PKD1L1: variants seen among roughly 807,000 people sequenced by gnomAD.
PKD1L1 encodes polycystin 1 like 1, transient receptor potential channel interacting, also known as polycystin-1-like protein 1.
Under a neutral mutation model 323.4 loss-of-function variants are expected in PKD1L1, and 236 were observed. The observed-to-expected ratio is 0.73, with a 90% CI of 0.66 to 0.81. PKD1L1 has a LOEUF of 0.81. Among genes scored for constraint, PKD1L1 ranks in the 40% least tolerant of loss-of-function variants. The pLI, the probability that PKD1L1 is intolerant of heterozygous loss-of-function variation, is 0.00. For missense variants in PKD1L1, 3,320 were observed against 3,508.0 expected (o/e 0.95, Z 1.35); for synonymous variants, 1,344 against 1,335.0 (o/e 1.01, Z -0.15).
chr7:47,808,219 T>C lies in PKD1L1; in HGVS notation c.7827+28A>G, dbSNP rs760690864. 9.3e-6 allele frequency: 15 copies of C among 1,612,464 alleles called. No homozygotes were observed. In the East Asian group the frequency reaches 2.9e-4, roughly 31 times the overall value. ...ATGGCATCACAGTGCATGGCCTCTA[T>C]CTGCATGGCCCTGAGCACACCGTGT... On this transcript the variant is annotated intron_variant, in intron 52 of 56. Coordinates refer to ENST00000289672, the MANE Select transcript of PKD1L1 (RefSeq NM_138295.5).
intron 55 of PKD1L1, 71 bp from the exon 56 acceptor site, chr7:47,792,868 A>C: frequency 7.2e-7 from 1 of 1,396,036 alleles, no homozygotes; most frequent in Non-Finnish European, 1.0e-6. Flanking sequence ...CATTATGTGA[A>C]GCATTTAGGG....
chr7:47,948,509 A>C, upstream of PKD1L1: 3 of 1,467,852 alleles, frequency 2.0e-6, no homozygotes, highest in Admixed American at 1.7e-5. Flanking sequence ...TCTGGAAGAC[A>C]AAGAAATAGA....
intron 26 of PKD1L1, among the ~76,000 whole-genome samples, chr7:47,863,703 G>A (rs1020640465): frequency 1.4e-4 from 21 of 152,122 alleles, no homozygotes; most frequent in Non-Finnish European, 1.5e-5. Context: ...TGTGGATGGA[G>A]ATGGAAGCCA....
upstream of PKD1L1, among the ~76,000 whole-genome samples, chr7:47,952,080 T>G (rs534025806): frequency 2.7e-4 from 41 of 152,344 alleles, no homozygotes; most frequent in South Asian, 6.0e-3. Flanking sequence ...CCTTTAGATA[T>G]TCTACATCTT....
chr7:47,867,204 T>C (rs1786187812), intron 24 of PKD1L1, among the ~76,000 whole-genome samples: 1 of 152,212 alleles, frequency 6.6e-6, no homozygotes, highest in Admixed American at 6.5e-5. Context: ...AAGAAGTAAA[T>C]TAATTAGAAA....
intron 32 of PKD1L1, among the ~76,000 whole-genome samples, chr7:47,845,380 C>A (rs1357143716): frequency 2.0e-5 from 3 of 152,210 alleles, no homozygotes; most frequent in Non-Finnish European, 4.4e-5. Context: ...AGCATGGCTG[C>A]AGCCTGAGGC....
intron 16 of PKD1L1, among the ~76,000 whole-genome samples, chr7:47,888,697 G>A (rs960986159): frequency 2.0e-5 from 3 of 152,212 alleles, no homozygotes; most frequent in African/African-American, 7.2e-5. Context: ...GCAGGGTTGT[G>A]GGTCATGGGC....
At chr7:47,888,679 T>C (rs1017035830) in intron 16 of PKD1L1, among the ~76,000 whole-genome samples, 5 of 152,234 alleles carry the variant, frequency 3.3e-5, no homozygotes, top group African/African-American at 1.2e-4. Flanking sequence ...GCCCCGCCTC[T>C]TCCCTGTGCA....
At chr7:47,788,130 A>T (rs10951930) in intron 56 of PKD1L1, among the ~76,000 whole-genome samples, 63,373 of 151,062 alleles carry the variant, frequency 0.42, 13,351 homozygotes, top group East Asian at 0.58. Flanking sequence ...TATTTTTTTT[A>T]AAAATATCGA....
Position 47,931,311 on chromosome 7 carries a change from G to A in PKD1L1, c.530C>T (p.Thr177Ile). Residue 177 changes from threonine (T) to isoleucine (I), a missense_variant, in exon 6 of 57, where the codon ACC becomes ATC. Coordinates refer to ENST00000289672, the MANE Select transcript of PKD1L1 (RefSeq NM_138295.5). ...GCTGCAGGGAGCTGCTGCAGAAGTG[G>A]TGCCCTGGAGCTTAAAAGTTTAAGA... ...TFSALLQLQG[T>I]TSAAAPCSLK... 6.2e-7 allele frequency: 1 copy of A among 1,614,212 alleles called. No homozygotes were observed.
chr7:47,873,846 TG>T, intron 24 of PKD1L1, 52 bp downstream of exon 24: 1 of 1,414,898 alleles, frequency 7.1e-7, no homozygotes, highest in Non-Finnish European at 9.8e-7. Context: ...GAGCCAACTC[TG>T]GAAGAAATAC....
chr7:47,948,684 G>A (rs1041555106), upstream of PKD1L1, among the ~76,000 whole-genome samples: 5 of 152,190 alleles, frequency 3.3e-5, no homozygotes, highest in South Asian at 2.1e-4. Flanking sequence ...TTTGACAGAC[G>A]TGGTGGCTCA....
At chr7:47,835,705 T>C (rs1785443533) in intron 37 of PKD1L1, among the ~76,000 whole-genome samples, 1 of 152,038 alleles carries the variant, frequency 6.6e-6, no homozygotes, top group South Asian at 2.1e-4. Context: ...CTGGCCACAA[T>C]TCAATTTAAA....
At chr7:47,916,116 A>C (rs1290507284) in intron 7 of PKD1L1, among the ~76,000 whole-genome samples, 1 of 152,202 alleles carries the variant, frequency 6.6e-6, no homozygotes, top group Non-Finnish European at 1.5e-5. Context: ...CAAAGACCAA[A>C]ACTACTGCAC....
chr7:47,776,951 G>C (rs1251101430), intron 56 of PKD1L1, among the ~76,000 whole-genome samples: 2 of 151,994 alleles, frequency 1.3e-5, no homozygotes, highest in Non-Finnish European at 2.9e-5. Context: ...GAGTGTAGTG[G>C]TGCAATCTTG....
At chr7:47,814,043 TG>T in intron 47 of PKD1L1, 29 bp from the exon 48 acceptor site, 1 of 1,594,412 alleles carries the variant, frequency 6.3e-7, no homozygotes, top group Non-Finnish European at 8.6e-7. Context: ...TGATGAGGAC[TG>T]GGTGTGCTGT....
At position 47,858,902 on chromosome 7, in the gene PKD1L1, G is replaced by T; in HGVS notation, c.4150-17C>A. On this transcript the variant is annotated splice_polypyrimidine_tract_variant and intron_variant, in intron 26 of 56. Transcript: ENST00000289672. The stretch of plus-strand genomic sequence containing the variant: ...AAAGCCTAGCTGCATGAACAGAAAA[G>T]ATGTAAATAAAATGCCTGGCCTTGA... 1 of 1,610,484 alleles carries T rather than the reference G, an allele frequency of 6.2e-7. No homozygotes were observed. The highest frequency in any genetic ancestry group is 8.5e-7 in the Non-Finnish European group (1 of 1,177,520).
the PKD1L1 span, among the ~76,000 whole-genome samples, chr7:47,955,466 C>T: frequency 3.3e-5 from 5 of 152,226 alleles, no homozygotes; most frequent in Non-Finnish European, 7.3e-5. Flanking sequence ...TCATAAATAT[C>T]CAGATTTAAA....
chr7:47,803,321 G>A lies in PKD1L1; in HGVS notation c.7851C>T (p.Ile2617=). 6.2e-7 allele frequency: 1 copy of A among 1,613,994 alleles called. No individual in the cohort carries two copies. Among genetic ancestry groups the A allele is most frequent in the East Asian group, 2.2e-5 (1 of 44,882 alleles). ...WNQRARWLRG[I]LLFLFTLKCV... is the part of the protein sequence containing the mutation. ...ATTTTAATGTGAAGAGGAATAAGAG[G>A]ATTCCCCGGAGCCATCGAGCCCTCT... The change falls in exon 53 of 57, where the codon ATC becomes ATT. Residue 2617 remains isoleucine, a synonymous_variant. Transcript: ENST00000289672.
Sources: gnomAD v4.1 joint callset for allele counts (sites outside exome capture counted in the v4.1 genomes callset) on GRCh38, gnomAD v4.1.1 for gene constraint, MANE v1.5 for transcripts, NCBI Gene and HGNC (gene_info 2026-07-23, HGNC 2026-07-21) for gene names.